Variants in XKR9 observed in about 807,000 individuals in gnomAD.
XKR9 encodes the protein XK-related protein 9.
Under a neutral mutation model 32.0 loss-of-function variants are expected in XKR9, and 32 were observed. The ratio of observed to expected loss-of-function variants is 1.00; its 90% CI spans 0.76 to 1.34. The LOEUF (loss-of-function observed/expected upper bound fraction) is 1.34, where lower values mean the gene tolerates loss of function less well. Among genes scored for constraint, XKR9 ranks in the 40% most tolerant of loss-of-function variants. XKR9 has a pLI of 0.00. For synonymous variants in XKR9, 168 were observed against 143.4 expected (o/e 1.17, Z -1.22); for missense variants, 546 against 429.7 (o/e 1.27, Z -2.39).
chr8:70,742,363 A>G (rs549603060), intron 2 of XKR9, among the ~76,000 whole-genome samples: 2 of 152,312 alleles, frequency 1.3e-5, no homozygotes, highest in East Asian at 1.9e-4. Context: ...TGTTTGGTGT[A>G]TATGTTTGCT....
At chr8:70,693,432 C>G (rs1486825099) in intron 3 of XKR9, among the ~76,000 whole-genome samples, 1 of 152,176 alleles carries the variant, frequency 6.6e-6, no homozygotes, top group African/African-American at 2.4e-5. Context: ...CTCACAGTTG[C>G]AGCTGTGTTC....
chr8:71,036,157 T>A, the XKR9 span, among the ~76,000 whole-genome samples: 70 of 152,196 alleles, frequency 4.6e-4, no homozygotes, highest in Non-Finnish European at 7.5e-4. Flanking sequence ...TTTTCTCCTA[T>A]TAATCTGCCT....
chr8:70,714,074 T>C (rs1266296766), intron 4 of XKR9, among the ~76,000 whole-genome samples: 2 of 151,870 alleles, frequency 1.3e-5, no homozygotes, highest in Non-Finnish European at 2.9e-5. Flanking sequence ...TAATGGTGGG[T>C]GGGGATGAGT....
At chr8:70,918,056 G>T in the XKR9 span, among the ~76,000 whole-genome samples, 3 of 152,240 alleles carry the variant, frequency 2.0e-5, no homozygotes, top group Non-Finnish European at 2.9e-5. Context: ...AGAAATTGGT[G>T]TGGAAAGCGT....
At chr8:70,874,165 C>T in the XKR9 span, among the ~76,000 whole-genome samples, 3 of 152,030 alleles carry the variant, frequency 2.0e-5, no homozygotes. Context: ...ACAGGGAAAC[C>T]AAGAAGTTTG....
At chr8:70,889,308 C>T in the XKR9 span, among the ~76,000 whole-genome samples, 1 of 151,734 alleles carries the variant, frequency 6.6e-6, no homozygotes, top group African/African-American at 2.4e-5. Context: ...ATTTAGTGCC[C>T]TACAAATTTA....
chr8:70,921,245 ACTGGGGCC>A, the XKR9 span, among the ~76,000 whole-genome samples: 2 of 152,188 alleles, frequency 1.3e-5, no homozygotes, highest in Admixed American at 1.3e-4. Context: ...AGGCTGCTAT[ACTGGGGCC>A]CTCTGGCCTG....
intron 2 of XKR9, among the ~76,000 whole-genome samples, chr8:70,741,515 T>C (rs1450481335): frequency 6.6e-6 from 1 of 152,242 alleles, no homozygotes; most frequent in Non-Finnish European, 1.5e-5. Context: ...GTTACTGGCT[T>C]AGTTCGTTGA....
chr8:70,718,865 T>G (rs1806180095), intron 4 of XKR9, among the ~76,000 whole-genome samples: 1 of 152,214 alleles, frequency 6.6e-6, no homozygotes. Context: ...AAATGATATT[T>G]CTAGTTCTAG....
intron 4 of XKR9, among the ~76,000 whole-genome samples, chr8:70,712,309 T>G (rs1805945640): frequency 6.6e-6 from 1 of 152,102 alleles, no homozygotes; most frequent in Non-Finnish European, 1.5e-5. Flanking sequence ...AAAATCTTCC[T>G]AAAACATAAC....
chr8:71,016,254 T>C, the XKR9 span, among the ~76,000 whole-genome samples: 1 of 152,192 alleles, frequency 6.6e-6, no homozygotes, highest in East Asian at 1.9e-4. Context: ...TTTAAGAAGA[T>C]CAAATTACAA....
chr8:70,736,895 G>C (rs1806872834), downstream of XKR9, among the ~76,000 whole-genome samples: 1 of 151,996 alleles, frequency 6.6e-6, no homozygotes. Flanking sequence ...TTGAAGTCAG[G>C]TAGCGTGATG....
the XKR9 span, among the ~76,000 whole-genome samples, chr8:70,964,880 C>A: frequency 6.6e-6 from 1 of 152,146 alleles, no homozygotes; most frequent in Non-Finnish European, 1.5e-5. Flanking sequence ...GATATAGGAT[C>A]ATGTTATCTG....
At chr8:71,033,203 G>A in the XKR9 span, among the ~76,000 whole-genome samples, 28 of 152,096 alleles carry the variant, frequency 1.8e-4, no homozygotes, top group Non-Finnish European at 2.6e-4. Context: ...GAATCAGACC[G>A]CCTGGGTTCA....
At chr8:70,970,525 G>A in the XKR9 span, among the ~76,000 whole-genome samples, 179 of 152,102 alleles carry the variant, frequency 1.2e-3, no homozygotes, top group African/African-American at 4.2e-3. Flanking sequence ...ATGTCCATGT[G>A]TTTTCATTGT....
chr8:70,856,135 C>T, the XKR9 span, among the ~76,000 whole-genome samples: 4 of 152,122 alleles, frequency 2.6e-5, 1 homozygote, highest in East Asian at 7.7e-4. Flanking sequence ...CAATATAAAC[C>T]TTAAATATAA....
the XKR9 span, among the ~76,000 whole-genome samples, chr8:70,958,225 G>A: frequency 6.6e-6 from 1 of 152,170 alleles, no homozygotes; most frequent in African/African-American, 2.4e-5. Context: ...CCAATAATGG[G>A]ATTGCTGGGT....
intron 3 of XKR9, among the ~76,000 whole-genome samples, chr8:70,706,460 TA>T (rs1805720830): frequency 6.6e-6 from 1 of 152,134 alleles, no homozygotes; most frequent in Non-Finnish European, 1.5e-5. Context: ...TAAGGGAAAT[TA>T]TCTGTGTTGT....
the XKR9 span, among the ~76,000 whole-genome samples, chr8:70,962,882 T>A: frequency 1.3e-5 from 2 of 152,248 alleles, no homozygotes; most frequent in African/African-American, 2.4e-5. Context: ...GGTAAGGTCC[T>A]ACTGCATTAC....
Sources: gnomAD v4.1 joint callset for allele counts (sites outside exome capture counted in the v4.1 genomes callset) on GRCh38, gnomAD v4.1.1 for gene constraint, MANE v1.5 for transcripts, NCBI Gene and HGNC (gene_info 2026-07-23, HGNC 2026-07-21) for gene names.